The following GCSAML variants were observed in gnomAD, a reference collection of about 807,000 sequenced individuals.
GCSAML encodes the protein germinal center-associated signaling and motility-like protein.
Under a neutral mutation model 13.0 loss-of-function variants are expected in GCSAML, and 9 were observed. The observed-to-expected ratio is 0.69, with a 90% CI of 0.42 to 1.21. The LOEUF (loss-of-function observed/expected upper bound fraction) is 1.21, where lower values mean the gene tolerates loss of function less well. Ranked by LOEUF, GCSAML falls within the 50% of genes most tolerant of loss-of-function variation. The probability of loss-of-function intolerance (pLI) is 0.00; values close to 1 mark genes in which losing one functional copy is unlikely to be tolerated. For missense variants in GCSAML, 143 were observed against 153.4 expected (o/e 0.93, Z 0.36); for synonymous variants, 37 against 52.9 (o/e 0.70, Z 1.31).
chr1:247,563,761 CT>C lies in GCSAML; in HGVS notation c.139+123del, dbSNP rs1386435363. ...GAGAAGAGGCTGCTTGGAGTTCTTA[CT>C]CTTTCATAAAACTGATCACATCATT... On this transcript the variant is annotated intron_variant, in intron 3 of 4. Transcript: ENST00000366488. 5.9e-6 allele frequency: 3 copies of C among 510,140 alleles called. No homozygotes were observed. The African/African-American group carries it at 5.9e-5, about 10-fold the overall frequency. The allele number at this position is 510,140 out of a possible 1,614,324, so 31.6% of individuals were successfully genotyped here.
intron 2 of GCSAML, among the ~76,000 whole-genome samples, chr1:247,560,436 A>G (rs191893335): frequency 1.3e-5 from 2 of 152,002 alleles, no homozygotes. Context: ...ACGTAATTCC[A>G]CTCTGCAGCT....
intron 1 of GCSAML, chr1:247,518,700 C>G (rs1358973406): frequency 2.0e-5 from 3 of 152,616 alleles, no homozygotes; most frequent in African/African-American, 7.2e-5. Context: ...ATTAATAATA[C>G]GATGGGGAAC....
At chr1:247,531,850 TGGCCGTAAGAGACCA>T in intron 2 of GCSAML, 2 of 1,614,160 alleles carry the variant, frequency 1.2e-6, no homozygotes, top group Non-Finnish European at 1.7e-6. Flanking sequence ...CCGGGCAATG[TGGCCGTAAGAGACCA>T]GGATGAGCCC....
chr1:247,517,092 T>C (rs931239797), intron 1 of GCSAML, among the ~76,000 whole-genome samples: 24 of 152,348 alleles, frequency 1.6e-4, no homozygotes, highest in African/African-American at 5.5e-4. Flanking sequence ...GCTTTTCTGC[T>C]CTTTGTGAGT....
At chr1:247,511,393 T>C (rs1386007952) in intron 1 of GCSAML, among the ~76,000 whole-genome samples, 1 of 152,204 alleles carries the variant, frequency 6.6e-6, no homozygotes, top group Admixed American at 6.5e-5. Context: ...TCCCTTTATT[T>C]TGAGCTTATG....
chr1:247,541,262 A>G (rs1667402593), intron 2 of GCSAML, among the ~76,000 whole-genome samples: 1 of 152,194 alleles, frequency 6.6e-6, no homozygotes, highest in Admixed American at 6.5e-5. Flanking sequence ...GCTTATAATT[A>G]ATGTCTTTTG....
intron 4 of GCSAML, among the ~76,000 whole-genome samples, chr1:247,566,973 G>A (rs1668398949): frequency 6.6e-6 from 1 of 151,600 alleles, no homozygotes; most frequent in Non-Finnish European, 1.5e-5. Flanking sequence ...GCTTTTCCCT[G>A]GATAGTTAGA....
At chr1:247,567,139 A>G (rs1668410212) in intron 4 of GCSAML, among the ~76,000 whole-genome samples, 1 of 150,088 alleles carries the variant, frequency 6.7e-6, no homozygotes. Flanking sequence ...CATTTCTTAC[A>G]TTATATATAT....
intron 1 of GCSAML, among the ~76,000 whole-genome samples, chr1:247,553,539 T>G (rs1255662224): frequency 2.6e-5 from 4 of 152,258 alleles, no homozygotes; most frequent in African/African-American, 9.6e-5. Flanking sequence ...CATTTATATT[T>G]GGCATTTATG....
chr1:247,512,179 A>G (rs192468002), intron 1 of GCSAML, among the ~76,000 whole-genome samples: 1,853 of 151,918 alleles, frequency 0.012, 42 homozygotes, highest in African/African-American at 0.042. Flanking sequence ...ACGTAGTCCC[A>G]TATTTCTTGG....
intron 1 of GCSAML, among the ~76,000 whole-genome samples, chr1:247,513,290 G>A (rs755517155): frequency 8.5e-5 from 13 of 152,260 alleles, no homozygotes; most frequent in African/African-American, 1.7e-4. Flanking sequence ...CAAATTTCCC[G>A]GTGGCTTTGT....
intron 1 of GCSAML, among the ~76,000 whole-genome samples, chr1:247,518,908 G>C (rs1169174165): frequency 1.3e-5 from 2 of 152,106 alleles, no homozygotes; most frequent in African/African-American, 4.8e-5. Flanking sequence ...AGGATCGCTT[G>C]AGACCAGGAG....
chr1:247,568,938 T>A (rs1337874982), intron 4 of GCSAML, among the ~76,000 whole-genome samples: 1 of 151,992 alleles, frequency 6.6e-6, no homozygotes, highest in Non-Finnish European at 1.5e-5. Flanking sequence ...CTTTGTATTG[T>A]GAATACAAAG....
At chr1:247,532,010 G>A in intron 2 of GCSAML, 1 of 1,614,134 alleles carries the variant, frequency 6.2e-7, no homozygotes, top group Non-Finnish European at 8.5e-7. Context: ...CCACACAGCG[G>A]TAGGAGCATG....
intron 2 of GCSAML, chr1:247,528,120 G>A (rs1666755222): frequency 6.6e-6 from 1 of 151,720 alleles, no homozygotes; most frequent in Non-Finnish European, 1.5e-5. Flanking sequence ...CTACCTTCCT[G>A]ACTCATAATA....
At chr1:247,550,585 C>T (rs892082786) in intron 1 of GCSAML, among the ~76,000 whole-genome samples, 1 of 151,832 alleles carries the variant, frequency 6.6e-6, no homozygotes, top group Non-Finnish European at 1.5e-5. Context: ...TGCAGTGAGC[C>T]GAGATCCCGC....
At chr1:247,565,285 G>A (rs932945560) in intron 3 of GCSAML, among the ~76,000 whole-genome samples, 1 of 152,040 alleles carries the variant, frequency 6.6e-6, no homozygotes, top group Non-Finnish European at 1.5e-5. Context: ...TTGAACCCAG[G>A]AGGCGGAGGT....
At position 247,556,447 on chromosome 1, in the gene GCSAML, C is replaced by G. The variant is rs1160897470; in HGVS notation, c.70C>G (p.Pro24Ala). The change falls in exon 2 of 5, where the codon CCA (proline) becomes GCA (alanine). Residue 24 changes from proline to alanine, a missense_variant. Pro to Ala is a conservative substitution (Grantham distance 27). Transcript: ENST00000366488. Reference protein sequence around the residue: ...ENQKKPKKGNPDEERKRQEMT... With the variant: ...ENQKKPKKGNADEERKRQEMT... ...TCAAAAGAAGCCCAAGAAAGGAAAC[C>G]CAGATGAGGAAAGAAAACGGTAAGA... The G allele has an allele frequency of 2.5e-6, 4 of 1,611,066 alleles. No individual in the cohort carries two copies. The South Asian group carries it at 4.4e-5, about 18-fold the overall frequency.
chr1:247,538,021 G>A (rs1255275737), intron 2 of GCSAML, among the ~76,000 whole-genome samples: 1 of 151,338 alleles, frequency 6.6e-6, no homozygotes, highest in South Asian at 2.1e-4. Context: ...TATTTTTTTT[G>A]TTGTTGTTTT....
Sources: allele counts gnomAD v4.1 joint callset (sites outside exome capture counted in the v4.1 genomes callset), GRCh38; gene constraint gnomAD v4.1.1; transcripts MANE v1.5; gene names NCBI Gene and HGNC (gene_info 2026-07-23, HGNC 2026-07-21).